Variants in CHCHD3 observed in about 807,000 individuals in gnomAD.
The protein encoded by CHCHD3 is coiled-coil-helix-coiled-coil-helix domain containing 3.
A neutral mutation model predicts 38.2 loss-of-function variants in CHCHD3; 20 were observed. The observed-to-expected ratio is 0.52, with a 90% confidence interval of 0.37 to 0.76. The LOEUF is 0.76. Among genes scored for constraint, CHCHD3 ranks in the 30% least tolerant of loss-of-function variants. The pLI, the probability that CHCHD3 is intolerant of heterozygous loss-of-function variation, is 0.00. For missense variants in CHCHD3, 245 were observed against 279.2 expected, an observed-to-expected ratio of 0.88 and a Z score of 0.87; for synonymous variants, 82 against 100.0, an observed-to-expected ratio of 0.82 and a Z score of 1.07.
chr7:132,840,290 T>C (rs1807906594), intron 5 of CHCHD3, among the ~76,000 whole-genome samples: 1 of 152,200 alleles, frequency 6.6e-6, no homozygotes, highest in South Asian at 2.1e-4. Flanking sequence ...AAAAGGCAGT[T>C]ACTAATCACT....
chr7:132,902,187 G>T lies in CHCHD3; in HGVS notation c.370-16442C>A, dbSNP rs541312447. 4.5e-3 allele frequency among the ~76,000 whole-genome samples: 678 copies of T among 152,220 alleles called. 8 individuals are homozygous for T. The highest frequency in any genetic ancestry group is 0.01 in the African/African-American group (417 of 41,530). The stretch of plus-strand genomic sequence containing the variant: ...GAAACAACAGGTGCTGGAGAGGATA[G>T]GGAGAAATAGGAACACTTTTACACT... On this transcript the variant is annotated intron_variant, in intron 4 of 7. Transcript: ENST00000262570.
At chr7:133,060,523 T>G (rs1251530165) in intron 2 of CHCHD3, among the ~76,000 whole-genome samples, 3 of 152,146 alleles carry the variant, frequency 2.0e-5, no homozygotes, top group Non-Finnish European at 4.4e-5. Context: ...AGCAGGAGTT[T>G]GCTAGACAAA....
intron 4 of CHCHD3, among the ~76,000 whole-genome samples, chr7:132,957,475 T>C (rs1306173919): frequency 6.6e-6 from 1 of 152,074 alleles, no homozygotes; most frequent in African/African-American, 2.4e-5. Context: ...CACACCCTTC[T>C]TAAGTTTCTT....
chr7:132,809,491 G>A (rs1807012304), intron 6 of CHCHD3, among the ~76,000 whole-genome samples: 1 of 152,042 alleles, frequency 6.6e-6, no homozygotes, highest in Admixed American at 6.6e-5. Context: ...TCTTTCCCAG[G>A]AGTCAACAGC....
intron 2 of CHCHD3, among the ~76,000 whole-genome samples, chr7:133,040,401 A>T (rs571499328): frequency 6.6e-6 from 1 of 152,162 alleles, no homozygotes; most frequent in Non-Finnish European, 1.5e-5. Context: ...TAAGCCATCA[A>T]GATTCCTCTG....
intron 2 of CHCHD3, among the ~76,000 whole-genome samples, chr7:133,067,888 G>A (rs1236177057): frequency 6.6e-6 from 1 of 152,132 alleles, no homozygotes; most frequent in Non-Finnish European, 1.5e-5. Context: ...AGGTCGAGGC[G>A]GGCGGATCAC....
At chr7:132,857,108 A>G (rs1274779275) in intron 5 of CHCHD3, among the ~76,000 whole-genome samples, 2 of 152,232 alleles carry the variant, frequency 1.3e-5, no homozygotes, top group Non-Finnish European at 2.9e-5. Flanking sequence ...CACAAGAATA[A>G]TACACATGGT....
At chr7:132,945,366 GTAAA>G (rs2117277411) in intron 4 of CHCHD3, among the ~76,000 whole-genome samples, 1 of 151,936 alleles carries the variant, frequency 6.6e-6, no homozygotes, top group South Asian at 2.1e-4. Flanking sequence ...TATTTTTGTG[GTAAA>G]TAAATATAAA....
At chr7:132,968,629 C>G (rs552297749) in intron 4 of CHCHD3, among the ~76,000 whole-genome samples, 28 of 151,992 alleles carry the variant, frequency 1.8e-4, no homozygotes, top group Non-Finnish European at 2.9e-4. Flanking sequence ...TAAATTGCAC[C>G]CAAAAACAAC....
At chr7:132,893,729 C>T (rs955874452) in intron 4 of CHCHD3, among the ~76,000 whole-genome samples, 3 of 152,144 alleles carry the variant, frequency 2.0e-5, no homozygotes, top group Non-Finnish European at 4.4e-5. Context: ...CAAGAGCAAG[C>T]TCTCATGAGA....
chr7:133,046,698 G>A lies in CHCHD3; in HGVS notation c.170-22071C>T, dbSNP rs564063044. On this transcript the variant is annotated intron_variant, in intron 2 of 7. Transcript: ENST00000262570. Reference sequence around the variant, plus strand: ...CCGCCTCAGCCTCCCGAGTAGCTGGGACTACAGGCGCCCGCCACCACACCC... The same window carrying A: ...CCGCCTCAGCCTCCCGAGTAGCTGGAACTACAGGCGCCCGCCACCACACCC... Among the ~76,000 whole-genome samples the A allele has an allele frequency of 2.0e-5, 3 of 152,226 alleles. No individual in the cohort carries two copies. In the East Asian group the frequency reaches 5.8e-4, roughly 29 times the overall value.
intron 4 of CHCHD3, among the ~76,000 whole-genome samples, chr7:132,909,478 G>A (rs1271146209): frequency 6.6e-6 from 1 of 152,094 alleles, no homozygotes. Context: ...GTGACAGAGC[G>A]AGCCTCCATC....
intron 4 of CHCHD3, among the ~76,000 whole-genome samples, chr7:132,898,036 G>T (rs940537291): frequency 6.6e-6 from 1 of 151,320 alleles, no homozygotes; most frequent in African/African-American, 2.4e-5. Flanking sequence ...CAGCTCTTAA[G>T]GCGGCGTGTC....
intron 2 of CHCHD3, among the ~76,000 whole-genome samples, chr7:133,057,795 T>C (rs1174650362): frequency 6.6e-6 from 1 of 152,134 alleles, no homozygotes; most frequent in Non-Finnish European, 1.5e-5. Flanking sequence ...TTTATCAAGC[T>C]TGAGCAAAAA....
chr7:133,048,449 T>C (rs1814058793), intron 2 of CHCHD3, among the ~76,000 whole-genome samples: 1 of 152,164 alleles, frequency 6.6e-6, no homozygotes, highest in Non-Finnish European at 1.5e-5. Context: ...ATAGGCTTCC[T>C]GGAAGAGGCA....
intron 4 of CHCHD3, among the ~76,000 whole-genome samples, chr7:132,942,822 T>G (rs1281329859): frequency 1.3e-5 from 2 of 152,158 alleles, no homozygotes; most frequent in Non-Finnish European, 2.9e-5. Context: ...CTACAATAAG[T>G]TCAAAGGTGA....
chr7:133,042,910 AG>A (rs1415456405), intron 2 of CHCHD3, among the ~76,000 whole-genome samples: 1 of 152,136 alleles, frequency 6.6e-6, no homozygotes, highest in Admixed American at 6.5e-5. Flanking sequence ...TTTGCCACCC[AG>A]GCTGGAGCCT....
At chr7:132,979,762 T>C (rs1021974958) in intron 3 of CHCHD3, among the ~76,000 whole-genome samples, 2 of 152,226 alleles carry the variant, frequency 1.3e-5, no homozygotes, top group African/African-American at 4.8e-5. Context: ...GGTTCAGTTT[T>C]GACCAGTGCC....
chr7:132,786,530 G>A (rs566545862), intron 7 of CHCHD3, among the ~76,000 whole-genome samples: 3 of 152,180 alleles, frequency 2.0e-5, no homozygotes, highest in East Asian at 3.9e-4. Context: ...CTGAAATGGG[G>A]GTATACTGCC....
Sources: allele counts gnomAD v4.1 joint callset (sites outside exome capture counted in the v4.1 genomes callset), GRCh38; gene constraint gnomAD v4.1.1; transcripts MANE v1.5; gene names NCBI Gene and HGNC (gene_info 2026-07-23, HGNC 2026-07-21).